The following HDAC9 variants were observed in gnomAD, a reference collection of about 807,000 sequenced individuals.
HDAC9 encodes the protein MEF-2 interacting transcription repressor (MITR) protein.
HDAC9 carries 41 observed loss-of-function variants against 139.4 expected under a neutral mutation model. The observed-to-expected ratio is 0.29, with a 90% CI of 0.23 to 0.38. The LOEUF (loss-of-function observed/expected upper bound fraction) is 0.38, where lower values mean the gene tolerates loss of function less well. Among genes scored for constraint, HDAC9 ranks in the 10% least tolerant of loss-of-function variants. HDAC9 has a pLI of 1.00. For synonymous variants in HDAC9, 517 were observed against 476.2 expected, an observed-to-expected ratio of 1.09 and a Z score of -1.12; for missense variants, 1,147 against 1,297.0, an observed-to-expected ratio of 0.88 and a Z score of 1.78.
intron 1 of HDAC9, among the ~76,000 whole-genome samples, chr7:18,455,186 T>C (rs1249215336): frequency 6.6e-6 from 1 of 152,136 alleles, no homozygotes; most frequent in Non-Finnish European, 1.5e-5. Flanking sequence ...CTAAGAAACT[T>C]AATATTCTGT....
At chr7:18,663,493 G>C (rs1793860029) in intron 11 of HDAC9, among the ~76,000 whole-genome samples, 1 of 151,876 alleles carries the variant, frequency 6.6e-6, no homozygotes, top group Non-Finnish European at 1.5e-5. Context: ...TTCCGACATA[G>C]CATTTCCTGG....
intron 25 of HDAC9, among the ~76,000 whole-genome samples, chr7:18,987,645 C>T (rs1171297372): frequency 1.3e-5 from 2 of 152,136 alleles, no homozygotes; most frequent in Admixed American, 6.5e-5. Context: ...AGGAATGGTA[C>T]CAGTTCCTCC....
At chr7:18,656,952 CG>C (rs66833691) in intron 11 of HDAC9, among the ~76,000 whole-genome samples, 6,594 of 152,072 alleles carry the variant, frequency 0.043, 490 homozygotes, top group African/African-American at 0.15. Flanking sequence ...GCATTCATTA[CG>C]GGTCCATCTT....
At chr7:18,303,005 G>T (rs935748965) in intron 1 of HDAC9, among the ~76,000 whole-genome samples, 1 of 150,052 alleles carries the variant, frequency 6.7e-6, no homozygotes, top group African/African-American at 2.4e-5. Context: ...TTTGTCAATT[G>T]TTTTTTTTTA....
chr7:18,307,097 TTGTGTGTGTGTGTGTGTGTG>T (rs56020648), intron 1 of HDAC9, among the ~76,000 whole-genome samples: 5 of 134,808 alleles, frequency 3.7e-5, no homozygotes, highest in South Asian at 4.9e-4. Context: ...AGGGCAGTTC[TTGTGTGTGTGTGTGTGTGTG>T]TGTGTGTGTG....
intron 12 of HDAC9, among the ~76,000 whole-genome samples, chr7:18,679,032 A>G (rs1177234797): frequency 6.6e-6 from 1 of 151,914 alleles, no homozygotes; most frequent in Non-Finnish European, 1.5e-5. Context: ...ACCCTGGTGC[A>G]GGAATGAAGA....
intron 17 of HDAC9, among the ~76,000 whole-genome samples, chr7:18,802,267 G>C (rs549541033): frequency 6.6e-6 from 1 of 151,652 alleles, no homozygotes; most frequent in East Asian, 1.9e-4. Flanking sequence ...CCTTTTTTGA[G>C]CCATTAGTGT....
intron 1 of HDAC9, among the ~76,000 whole-genome samples, chr7:18,124,486 G>A (rs540204626): frequency 1.3e-5 from 2 of 152,294 alleles, no homozygotes; most frequent in East Asian, 1.9e-4. Flanking sequence ...AGTATTTTAT[G>A]CATGGAGGTT....
intron 22 of HDAC9, among the ~76,000 whole-genome samples, chr7:18,897,905 G>A (rs933855311): frequency 6.6e-6 from 1 of 150,626 alleles, no homozygotes; most frequent in African/African-American, 2.4e-5. Flanking sequence ...TAAATATCGT[G>A]TCCATGTGTG....
intron 24 of HDAC9, among the ~76,000 whole-genome samples, chr7:18,961,887 A>G (rs147579493): frequency 4.8e-4 from 73 of 152,290 alleles, no homozygotes; most frequent in African/African-American, 1.8e-3. Context: ...AAGTTACACT[A>G]TGTCACAAAT....
intron 25 of HDAC9, among the ~76,000 whole-genome samples, chr7:18,993,513 G>T (rs556666586): frequency 6.6e-6 from 1 of 152,176 alleles, no homozygotes; most frequent in Non-Finnish European, 1.5e-5. Flanking sequence ...ACGCTGGGGA[G>T]AATTGAGGCT....
At chr7:18,908,479 A>G (rs962781987) in intron 22 of HDAC9, among the ~76,000 whole-genome samples, 1 of 152,116 alleles carries the variant, frequency 6.6e-6, no homozygotes, top group East Asian at 1.9e-4. Context: ...GTAAAACGCT[A>G]GAAGGTATTC....
chr7:18,136,845 G>T (rs1465682336), intron 1 of HDAC9, among the ~76,000 whole-genome samples: 2 of 151,846 alleles, frequency 1.3e-5, no homozygotes, highest in African/African-American at 4.8e-5. Context: ...GTGAAGAAAG[G>T]CATTGGTAGC....
intron 17 of HDAC9, among the ~76,000 whole-genome samples, chr7:18,797,526 A>G (rs114548942): frequency 0.011 from 1,741 of 152,226 alleles, 24 homozygotes; most frequent in African/African-American, 0.037. Context: ...TCATTAATCT[A>G]TTATATTTTT....
At chr7:18,875,295 G>T (rs1047556045) in intron 22 of HDAC9, among the ~76,000 whole-genome samples, 26 of 152,218 alleles carry the variant, frequency 1.7e-4, no homozygotes, top group African/African-American at 5.8e-4. Context: ...ACATATAAAT[G>T]TACATTGGCA....
At chr7:18,509,096 G>A (rs2520460) in intron 2 of HDAC9, among the ~76,000 whole-genome samples, 4,847 of 152,278 alleles carry the variant, frequency 0.032, 117 homozygotes, top group Non-Finnish European at 0.046. Flanking sequence ...CACACATTAT[G>A]CTTTGTGAAT....
intron 1 of HDAC9, among the ~76,000 whole-genome samples, chr7:18,314,448 G>C (rs1343785100): frequency 6.6e-6 from 1 of 152,208 alleles, no homozygotes; most frequent in Non-Finnish European, 1.5e-5. Flanking sequence ...GCTATTAATA[G>C]TTACGTTTGA....
intron 12 of HDAC9, among the ~76,000 whole-genome samples, chr7:18,720,094 A>G (rs1785030447): frequency 2.0e-5 from 3 of 152,270 alleles, no homozygotes; most frequent in Middle Eastern, 3.4e-3. Context: ...CTATATTAGG[A>G]TATCTTCATA....
chr7:18,774,970 T>A (rs1790633536), intron 16 of HDAC9, among the ~76,000 whole-genome samples: 1 of 152,020 alleles, frequency 6.6e-6, no homozygotes, highest in South Asian at 2.1e-4. Flanking sequence ...CAACTCTTCC[T>A]TTTACTTGAA....
Sources: gnomAD v4.1 joint callset for allele counts (sites outside exome capture counted in the v4.1 genomes callset) on GRCh38, gnomAD v4.1.1 for gene constraint, MANE v1.5 for transcripts, NCBI Gene and HGNC (gene_info 2026-07-23, HGNC 2026-07-21) for gene names.